NXPH1: variants seen among roughly 807,000 people sequenced by gnomAD.
NXPH1 encodes the protein neurexophilin-1.
NXPH1 carries 5 observed loss-of-function variants against 23.7 expected under a neutral mutation model. The observed-to-expected ratio is 0.21, with a 90% CI of 0.11 to 0.44. The LOEUF is 0.44. NXPH1 is among the 20% of genes least tolerant of loss of function. NXPH1 has a pLI of 0.99. For synonymous variants in NXPH1, 144 were observed against 122.2 expected (o/e 1.18, Z -1.18); for missense variants, 324 against 321.6 (o/e 1.01, Z -0.06).
chr7:8,503,480 T>G (rs968567734), intron 2 of NXPH1, among the ~76,000 whole-genome samples: 6 of 152,026 alleles, frequency 3.9e-5, no homozygotes, highest in Non-Finnish European at 8.8e-5. Flanking sequence ...ACTCTTACAT[T>G]TACAGACATC....
rs981724545 is a variant in NXPH1, at chr7:8,750,993, C to A, written c.55-15C>A. 4 of 1,610,498 alleles carry A rather than the reference C, an allele frequency of 2.5e-6. No individual in the cohort carries two copies. The highest frequency in any genetic ancestry group is 3.4e-6 in the Non-Finnish European group (4 of 1,177,696). On this transcript the variant is annotated splice_polypyrimidine_tract_variant and intron_variant, in intron 2 of 2. Transcript: ENST00000405863. ...ATGCAGAGATGTAAATGCCATTTTT[C>A]TCTTCTGTTTTCAGGTCACATGTGC...
chr7:8,657,829 A>T (rs1245317624), intron 2 of NXPH1, among the ~76,000 whole-genome samples: 1 of 152,206 alleles, frequency 6.6e-6, no homozygotes, highest in Non-Finnish European at 1.5e-5. Flanking sequence ...GGAGTTCAAG[A>T]CCAGCCTGGC....
At chr7:8,731,653 G>T (rs1056327482) in intron 2 of NXPH1, among the ~76,000 whole-genome samples, 1 of 152,184 alleles carries the variant, frequency 6.6e-6, no homozygotes, top group African/African-American at 2.4e-5. Context: ...TAGGCTGCTC[G>T]GGGGTCAGGG....
At chr7:8,576,248 C>T (rs189802234) in intron 2 of NXPH1, among the ~76,000 whole-genome samples, 5 of 152,200 alleles carry the variant, frequency 3.3e-5, no homozygotes, top group Admixed American at 1.3e-4. Context: ...ATCAACTATG[C>T]CTTGAACACT....
At chr7:8,485,101 T>C (rs1241827078) in intron 2 of NXPH1, among the ~76,000 whole-genome samples, 1 of 152,116 alleles carries the variant, frequency 6.6e-6, no homozygotes, top group Non-Finnish European at 1.5e-5. Context: ...AGGAGACATG[T>C]CATGGGAGGG....
chr7:8,709,926 A>G (rs1779761133), intron 2 of NXPH1, among the ~76,000 whole-genome samples: 1 of 152,278 alleles, frequency 6.6e-6, no homozygotes, highest in African/African-American at 2.4e-5. Context: ...AATCCATTGA[A>G]CCAATAGTGG....
In NXPH1 at chr7:8,524,242, A is replaced by T. The variant is rs1442509740; in HGVS notation, c.54+88475A>T. On this transcript the variant is annotated intron_variant, in intron 2 of 2. Transcript: ENST00000405863. ...GGGTGACAGAGTGAGACTCTGTCTC[A>T]AAAAAAAAAAAAAAAAAAAAAAGGA... 2.9e-3 allele frequency among the ~76,000 whole-genome samples: 83 copies of T among 28,296 alleles called. 1 individual carries two copies. In the East Asian group the frequency reaches 0.088, roughly 30 times the overall value. The allele number at this position is 28,296 out of a possible 152,430, so 18.6% of individuals were successfully genotyped here.
chr7:8,677,850 T>C lies in NXPH1; in HGVS notation c.55-73158T>C, dbSNP rs532794059. On this transcript the variant is annotated intron_variant, in intron 2 of 2. Coordinates refer to ENST00000405863, the MANE Select transcript of NXPH1 (RefSeq NM_152745.3). The stretch of plus-strand genomic sequence containing the variant: ...AAACTTATAAAATGACTTAATAAAA[T>C]ATACTCTCAATCTTTTTGTCACCGA... 4.1e-4 allele frequency among the ~76,000 whole-genome samples: 62 copies of C among 152,158 alleles called. 2 individuals are homozygous for C. In the South Asian group the frequency reaches 0.012, roughly 30 times the overall value.
At chr7:8,565,869 A>C (rs1214450837) in intron 2 of NXPH1, among the ~76,000 whole-genome samples, 1 of 151,730 alleles carries the variant, frequency 6.6e-6, no homozygotes, top group Non-Finnish European at 1.5e-5. Context: ...TCAATAACAA[A>C]GTTGTTAAAG....
At chr7:8,536,065 A>G (rs1268998412) in intron 2 of NXPH1, among the ~76,000 whole-genome samples, 2 of 152,016 alleles carry the variant, frequency 1.3e-5, no homozygotes, top group Non-Finnish European at 2.9e-5. Flanking sequence ...CTACTTTTGT[A>G]ATAGGAATCA....
chr7:8,464,818 A>AATTCATAT (rs1207013321), intron 2 of NXPH1, among the ~76,000 whole-genome samples: 2 of 152,132 alleles, frequency 1.3e-5, no homozygotes, highest in Non-Finnish European at 2.9e-5. Flanking sequence ...CTCTCCTAAG[A>AATTCATAT]ATTCATATAG....
chr7:8,588,457 G>GAA (rs35072376), intron 2 of NXPH1, among the ~76,000 whole-genome samples: 5 of 150,698 alleles, frequency 3.3e-5, no homozygotes, highest in Admixed American at 1.3e-4. Flanking sequence ...CCAGGACAGT[G>GAA]AAAAAAAAAT....
intron 2 of NXPH1, among the ~76,000 whole-genome samples, chr7:8,495,791 C>G (rs1817323755): frequency 6.6e-6 from 1 of 151,976 alleles, no homozygotes; most frequent in Admixed American, 6.6e-5. Flanking sequence ...ACTTAGAGGA[C>G]TGGGGCTTAC....
At chr7:8,542,894 G>C (rs1463981389) in intron 2 of NXPH1, among the ~76,000 whole-genome samples, 1 of 151,552 alleles carries the variant, frequency 6.6e-6, no homozygotes, top group Admixed American at 6.6e-5. Context: ...ATGTACTTTG[G>C]ATAAATGGAA....
chr7:8,638,903 T>C (rs1820261415), intron 2 of NXPH1, among the ~76,000 whole-genome samples: 1 of 152,132 alleles, frequency 6.6e-6, no homozygotes, highest in Non-Finnish European at 1.5e-5. Flanking sequence ...TTGAATTACC[T>C]ACTTCACTTA....
chr7:8,507,692 A>G (rs1817552446), intron 2 of NXPH1, among the ~76,000 whole-genome samples: 1 of 152,100 alleles, frequency 6.6e-6, no homozygotes, highest in African/African-American at 2.4e-5. Flanking sequence ...AGGGAGTGTT[A>G]CATTAGAAAG....
chr7:8,604,412 A>G (rs207467632), intron 2 of NXPH1, among the ~76,000 whole-genome samples: 1 of 152,136 alleles, frequency 6.6e-6, no homozygotes, highest in African/African-American at 2.4e-5. Context: ...GAGAAAATAC[A>G]CTAAAATGGT....
At position 8,615,256 on chromosome 7, in the gene NXPH1, C is replaced by A; in HGVS notation, c.55-135752C>A. Among the ~76,000 whole-genome samples, 2 of 152,046 alleles carry A rather than the reference C, an allele frequency of 1.3e-5. 1 individual carries two copies. The highest frequency in any genetic ancestry group is 4.8e-5 in the African/African-American group (2 of 41,422). ...CTTTAATAAAATTGTTATTGACTGT[C>A]CCTGCAGGAGGCAGTGCGCATGGTG... is the stretch of plus-strand genomic sequence containing the variant. On this transcript the variant is annotated intron_variant, in intron 2 of 2. Transcript: ENST00000405863.
In NXPH1 at chr7:8,751,981, T is replaced by G. The variant is rs910149239; in HGVS notation, c.*212T>G. 6 of 544,696 alleles carry G rather than the reference T, an allele frequency of 1.1e-5. No homozygotes were observed. The highest frequency in any genetic ancestry group is 9.6e-5 in the Admixed American group (3 of 31,372). 33.7% of individuals were successfully genotyped at this position (544,696 alleles called of 1,614,324 possible). ...CAGTATAATTGTAAATCATCACAGA[T>G]TTTGAATTCACACCTGAAGACATGC... On this transcript the variant is annotated 3_prime_UTR_variant, in exon 3 of 3. Transcript: ENST00000405863. This position sits in a 1 kb window ranked among gnomAD's most constrained non-coding sequence, Gnocchi z 4.5.
Sources: allele counts gnomAD v4.1 joint callset (sites outside exome capture counted in the v4.1 genomes callset), GRCh38; gene constraint gnomAD v4.1.1; non-coding constraint Gnocchi (gnomAD v3.1); transcripts MANE v1.5; gene names NCBI Gene and HGNC (gene_info 2026-07-23, HGNC 2026-07-21).